The following SNRPN variants were observed in gnomAD, a reference collection of about 807,000 sequenced individuals.
SNRPN encodes the protein small nuclear ribonucleoprotein-associated protein N.
SNRPN carries 7 observed loss-of-function variants against 25.2 expected under a neutral mutation model. That is an observed-to-expected ratio of 0.28 (90% CI 0.16 to 0.52). SNRPN has a LOEUF of 0.52. Among genes scored for constraint, SNRPN ranks in the 20% least tolerant of loss-of-function variants. The probability of loss-of-function intolerance (pLI) is 0.96; values close to 1 mark genes in which losing one functional copy is unlikely to be tolerated. For synonymous variants in SNRPN, 124 were observed against 110.6 expected, an observed-to-expected ratio of 1.12 and a Z score of -0.76; for missense variants, 196 against 322.5, an observed-to-expected ratio of 0.61 and a Z score of 3.00.
upstream of SNRPN, among the ~76,000 whole-genome samples, chr15:24,856,122 A>T (rs2146359445): frequency 6.6e-6 from 1 of 152,218 alleles, no homozygotes; most frequent in African/African-American, 2.4e-5. Context: ...TTCATTTAAC[A>T]CAGAATTTTC....
chr15:24,891,903 A>G (rs1256706700), intron 2 of SNRPN, among the ~76,000 whole-genome samples: 1 of 152,222 alleles, frequency 6.6e-6, no homozygotes, highest in Non-Finnish European at 1.5e-5. Flanking sequence ...ATAGTAATAC[A>G]AAGTCACTGT....
chr15:24,902,859 G>A (rs970467819), intron 2 of SNRPN, among the ~76,000 whole-genome samples: 20 of 152,214 alleles, frequency 1.3e-4, no homozygotes, highest in African/African-American at 4.6e-4. Flanking sequence ...ATTGCAAAGA[G>A]CAAAAGAACA....
upstream of SNRPN, among the ~76,000 whole-genome samples, chr15:24,952,309 T>G (rs2062344926): frequency 1.3e-5 from 2 of 152,314 alleles, no homozygotes; most frequent in South Asian, 4.1e-4. Flanking sequence ...ATAGTTTTAT[T>G]GCAGTTTTAG....
At chr15:24,886,691 G>A (rs1218282093) in intron 2 of SNRPN, 1 of 152,114 alleles carries the variant, frequency 6.6e-6, no homozygotes, top group Non-Finnish European at 1.5e-5. Flanking sequence ...CTGATATTTA[G>A]TCAGCCATCA....
chr15:24,905,948 G>A (rs1029161545), intron 2 of SNRPN, among the ~76,000 whole-genome samples: 3 of 152,086 alleles, frequency 2.0e-5, no homozygotes, highest in Non-Finnish European at 4.4e-5. Flanking sequence ...CTGTAGGAAC[G>A]AAAAAGTAAT....
chr15:24,927,475 A>ATTTTTTTTTTTTTTTTTTTTTTTT (rs1566921436), intron 3 of SNRPN, among the ~76,000 whole-genome samples: 2 of 113,332 alleles, frequency 1.8e-5, no homozygotes, highest in Non-Finnish European at 3.5e-5. Context: ...AAAGTTTTTA[A>ATTTTTTTTTTTTTTTTTTTTTTTT]ATTTTTTTTT....
upstream of SNRPN, among the ~76,000 whole-genome samples, chr15:24,954,763 T>C (rs762812482): frequency 3.9e-5 from 6 of 152,246 alleles, no homozygotes; most frequent in African/African-American, 9.6e-5. Flanking sequence ...TGTCCATTGA[T>C]CCCAGGTTGC....
chr15:24,978,593 G>T lies in SNRPN; in HGVS notation c.*149G>T. On this transcript the variant is annotated 3_prime_UTR_variant, in exon 10 of 10. Transcript: ENST00000390687. ...AGCAATTAAACTGTGAGGTACTGTT[G>T]TATATATTTTTTTGCCTGTTGATTT... 1 of 763,290 alleles carries T rather than the reference G, an allele frequency of 1.3e-6. No individual in the cohort carries two copies. The highest frequency in any genetic ancestry group is 1.6e-5 in the South Asian group (1 of 61,268). The allele number at this position is 763,290 out of a possible 1,614,324, so 47.3% of individuals were successfully genotyped here. A position where few individuals can be genotyped will look rare whatever the true frequency, so the allele number is the denominator to read the frequency against.
At chr15:24,915,084 AG>A (rs2059431364) in intron 2 of SNRPN, among the ~76,000 whole-genome samples, 1 of 151,960 alleles carries the variant, frequency 6.6e-6, no homozygotes, top group Non-Finnish European at 1.5e-5. Flanking sequence ...TCAGATATCA[AG>A]GGTGATCAGA....
At chr15:24,885,290 A>T (rs181760433) in intron 1 of SNRPN, among the ~76,000 whole-genome samples, 1 of 152,298 alleles carries the variant, frequency 6.6e-6, no homozygotes, top group East Asian at 1.9e-4. Context: ...AATGTGCCTT[A>T]GTTAATCTCA....
intron 2 of SNRPN, among the ~76,000 whole-genome samples, chr15:24,840,498 C>A (rs1488424957): frequency 6.6e-6 from 1 of 152,230 alleles, no homozygotes; most frequent in Non-Finnish European, 1.5e-5. Context: ...AGGTTGCACA[C>A]AACTGTGATT....
chr15:24,871,560 T>C (rs2055120694), intron 1 of SNRPN, among the ~76,000 whole-genome samples: 1 of 152,026 alleles, frequency 6.6e-6, no homozygotes, highest in African/African-American at 2.4e-5. Context: ...TATGTGCCCT[T>C]TGGGGATACA....
intron 1 of SNRPN, 129 bp downstream of exon 1, chr15:24,955,191 C>G: frequency 1.6e-6 from 2 of 1,262,652 alleles, no homozygotes; most frequent in Middle Eastern, 2.3e-4. Context: ...GTCCTTTGTT[C>G]TGGAGAACCA....
intron 1 of SNRPN, among the ~76,000 whole-genome samples, chr15:24,880,174 T>C (rs11638412): frequency 0.28 from 42,484 of 151,980 alleles, 6,108 homozygotes; most frequent in African/African-American, 0.31. Context: ...TTCCCACTTT[T>C]CGTTTTTGTT....
chr15:24,858,296 C>T (rs567121402), intron 1 of SNRPN, among the ~76,000 whole-genome samples: 1 of 152,008 alleles, frequency 6.6e-6, no homozygotes, highest in African/African-American at 2.4e-5. Flanking sequence ...CTGAAGTTCG[C>T]GGGGAATGAA....
At position 24,910,675 on chromosome 15, in the gene SNRPN, A is replaced by G. The variant is rs559950452; in HGVS notation, c.-504-9336A>G. Reference sequence around the variant, plus strand: ...ACACCCGGCTAATTTTTGTATTTTTAGTAGAGATGGGGTTTCATCATATTG... The same window carrying G: ...ACACCCGGCTAATTTTTGTATTTTTGGTAGAGATGGGGTTTCATCATATTG... On this transcript the variant is annotated intron_variant, in intron 2 of 11. Transcript: ENST00000400097. Among the ~76,000 whole-genome samples, 11 of 152,040 alleles carry G rather than the reference A, an allele frequency of 7.2e-5. No individual in the cohort carries two copies. The East Asian group carries it at 1.5e-3, about 21-fold the overall frequency.
chr15:24,838,312 G>C (rs1386866548), intron 2 of SNRPN, among the ~76,000 whole-genome samples: 1 of 152,180 alleles, frequency 6.6e-6, no homozygotes, highest in Non-Finnish European at 1.5e-5. Flanking sequence ...TGGGATTACA[G>C]GCGTGAGCCA....
intron 2 of SNRPN, chr15:24,908,801 A>G (rs2059025379): frequency 4.1e-6 from 2 of 493,568 alleles, no homozygotes; most frequent in Non-Finnish European, 7.0e-6. Flanking sequence ...TTTAACTAGG[A>G]CCTAGGGTCT....
At chr15:24,918,560 CATAATATATATGTATATAT>C (rs2059727806) in intron 2 of SNRPN, among the ~76,000 whole-genome samples, 4 of 73,606 alleles carry the variant, frequency 5.4e-5, no homozygotes, top group Admixed American at 1.7e-4. Flanking sequence ...GTATATATAA[CATAATATATATGTATATAT>C]ATAACATAAT....
Sources: allele counts gnomAD v4.1 joint callset (sites outside exome capture counted in the v4.1 genomes callset), GRCh38; gene constraint gnomAD v4.1.1; transcripts MANE v1.5; gene names NCBI Gene and HGNC (gene_info 2026-07-23, HGNC 2026-07-21).